The following DPH1 variants were observed in gnomAD, a reference collection of about 807,000 sequenced individuals.
DPH1 encodes the protein diphthamide biosynthesis 1, also known as 2-(3-amino-3-carboxypropyl)histidine synthase subunit 1.
A neutral mutation model predicts 55.3 loss-of-function variants in DPH1; 59 were observed. The ratio of observed to expected loss-of-function variants is 1.07; its 90% CI spans 0.87 to 1.33. DPH1 has a LOEUF of 1.33. Ranked by LOEUF, DPH1 falls within the 40% of genes most tolerant of loss-of-function variation. The probability of loss-of-function intolerance (pLI) is 0.00; values close to 1 mark genes in which losing one functional copy is unlikely to be tolerated. For synonymous variants in DPH1, 238 were observed against 235.5 expected (o/e 1.01, Z -0.10); for missense variants, 628 against 584.8 (o/e 1.07, Z -0.76).
chr17:2,041,295 T>C, intron 10 of DPH1, 114 bp downstream of exon 10: 1 of 1,471,708 alleles, frequency 6.8e-7, no homozygotes, highest in Non-Finnish European at 9.3e-7. Flanking sequence ...TTCCGGAGTC[T>C]GTCTCGATTT....
intron 3 of DPH1, among the ~76,000 whole-genome samples, chr17:2,035,543 C>A (rs1468208378): frequency 6.8e-6 from 1 of 146,340 alleles, no homozygotes. Context: ...GGGGTCCCGG[C>A]AAGAGGGAGG....
chr17:2,036,470 G>A lies in DPH1; in HGVS notation c.401-59G>A. 6.3e-7 allele frequency: 1 copy of A among 1,597,128 alleles called. No individual in the cohort carries two copies. The highest frequency in any genetic ancestry group is 8.6e-7 in the Non-Finnish European group (1 of 1,169,266). Reference sequence around the variant, plus strand: ...CTGGCTGCTCAGAGACCTGAGCCTGGCCGGGCCCTCTGCTGCTCCTGCCTT... The same window carrying A: ...CTGGCTGCTCAGAGACCTGAGCCTGACCGGGCCCTCTGCTGCTCCTGCCTT... On this transcript the variant is annotated intron_variant, in intron 4 of 12. Coordinates refer to ENST00000263083, the MANE Select transcript of DPH1 (RefSeq NM_001383.6). The surrounding 1 kb of genome is among the most constrained non-coding windows in gnomAD (Gnocchi z 4.8).
chr17:2,042,980 G>A lies in DPH1; in HGVS notation c.*394G>A, dbSNP rs374371278. 10 of 1,614,002 alleles carry A rather than the reference G, an allele frequency of 6.2e-6. No homozygotes were observed. Among genetic ancestry groups the A allele is most frequent in the African/African-American group, 1.3e-5 (1 of 74,936 alleles). On this transcript the variant is annotated 3_prime_UTR_variant, in exon 13 of 13. Transcript: ENST00000263083. The stretch of plus-strand genomic sequence containing the variant: ...GACAAAGTCATCCCCTCTCAGGAGA[G>A]TGTGCAACTGGCCAGCCAATTTCCC...
At chr17:2,040,759 C>T in intron 9 of DPH1, 154 bp downstream of exon 9, 1 of 815,054 alleles carries the variant, frequency 1.2e-6, no homozygotes, top group Non-Finnish European at 1.9e-6. Context: ...CTGGGTCATA[C>T]CTGCTTTGGG....
chr17:2,040,273 C>G lies in DPH1; in HGVS notation c.805C>G (p.Gln269Glu), dbSNP rs781049218. Residue 269 changes from glutamine to glutamate, a missense_variant, in exon 8 of 13, where the codon CAG becomes GAG. Transcript: ENST00000263083. ...SREHYDHQRM[Q>E]AARQEAIATA... ...AGAACACTATGACCACCAGCGCATG[C>G]AGGCTGCTCGCCAAGAAGCCATAGC... is the stretch of plus-strand genomic sequence containing the variant. The G allele has an allele frequency of 6.2e-7, 1 of 1,614,080 alleles. No homozygotes were observed. The highest frequency in any genetic ancestry group is 1.1e-5 in the South Asian group (1 of 91,086).
At chr17:2,039,985 C>T (rs2067488526) in intron 7 of DPH1, among the ~76,000 whole-genome samples, 162 bp downstream of exon 7, 1 of 152,248 alleles carries the variant, frequency 6.6e-6, no homozygotes, top group African/African-American at 2.4e-5. Flanking sequence ...CCCAGGGCTG[C>T]TGTTGCCTAC....
At chr17:2,031,594 C>G (rs1597273233) in intron 1 of DPH1, among the ~76,000 whole-genome samples, 2 of 146,472 alleles carry the variant, frequency 1.4e-5, no homozygotes, top group African/African-American at 5.0e-5. Context: ...AAAAATTAGC[C>G]CTGCGTCTTG....
In DPH1 at chr17:2,039,735, C is replaced by A. The variant is rs1027091464; in HGVS notation, c.681-20C>A. The A allele has an allele frequency of 6.2e-7, 1 of 1,614,108 alleles. No homozygotes were observed. Among genetic ancestry groups the A allele is most frequent in the Admixed American group, 1.7e-5 (1 of 60,032 alleles). ...TTCTGCTGCCCTAAACCACACTTAG[C>A]CTCCTTTCCACCCCTGCAGGTATCT... On this transcript the variant is annotated intron_variant, in intron 6 of 12. Coordinates refer to ENST00000263083, the MANE Select transcript of DPH1 (RefSeq NM_001383.6).
chr17:2,043,748 G>C lies in DPH1; in HGVS notation c.*1162G>C, dbSNP rs1255874497. 1 of 152,486 alleles carries C rather than the reference G, an allele frequency of 6.6e-6. No individual in the cohort carries two copies. The highest frequency in any genetic ancestry group is 1.5e-5 in the Non-Finnish European group (1 of 68,308). 9.4% of individuals were successfully genotyped at this position (152,486 alleles called of 1,614,324 possible). The stretch of plus-strand genomic sequence containing the variant: ...TCCAGATCACTGAGAGTTGTGTGCT[G>C]GTCTTCTCTCAAACCCTGGATGTGT... On this transcript the variant is annotated 3_prime_UTR_variant, in exon 13 of 13. Coordinates refer to ENST00000263083, the MANE Select transcript of DPH1 (RefSeq NM_001383.6).
chr17:2,041,151 C>G lies in DPH1; in HGVS notation c.1056C>G (p.Ala352=). 2 of 1,605,934 alleles carry G rather than the reference C, an allele frequency of 1.2e-6. No homozygotes were observed. Among genetic ancestry groups the G allele is most frequent in the Non-Finnish European group, 1.7e-6 (2 of 1,176,412 alleles). The part of the protein sequence containing the change: ...CPRLSIDWGT[A]FPKPLLTPYE... The stretch of plus-strand genomic sequence containing the variant: ...GTCTCTCCATTGACTGGGGCACAGC[C>G]TTCCCCAAGCCGCTGCTGACACCCT... Residue 352 remains alanine, a synonymous_variant, in exon 10 of 13, where the codon GCC becomes GCG. Coordinates refer to ENST00000263083, the MANE Select transcript of DPH1 (RefSeq NM_001383.6).
In DPH1 at chr17:2,043,295, G is replaced by A; in HGVS notation, c.*709G>A. The A allele has an allele frequency of 1.5e-6, 1 of 659,856 alleles. No homozygotes were observed. Among genetic ancestry groups the A allele is most frequent in the Non-Finnish European group, 2.5e-6 (1 of 402,502 alleles). The allele number at this position is 659,856 out of a possible 1,614,324, so 40.9% of individuals were successfully genotyped here. A position where few individuals can be genotyped will look rare whatever the true frequency, so the allele number is the denominator to read the frequency against. ...GTACTGAAGAAAAGGGGAGCACAAGGCCTTAATGGACATTGACTTGTGAAA... is the reference window on the plus strand; with the variant it reads ...GTACTGAAGAAAAGGGGAGCACAAGACCTTAATGGACATTGACTTGTGAAA... On this transcript the variant is annotated 3_prime_UTR_variant, in exon 13 of 13. Coordinates refer to ENST00000263083, the MANE Select transcript of DPH1 (RefSeq NM_001383.6).
At position 2,037,019 on chromosome 17, in the gene DPH1, G is replaced by T. The variant is rs975318338; in HGVS notation, c.680+63G>T. ...ATGCGTGTACCCTGGGAGGGAGCCT[G>T]AGGTTCATCATCCAGGAAAGAAACC... On this transcript the variant is annotated intron_variant, in intron 6 of 12. Transcript: ENST00000263083. 4.2e-5 allele frequency: 65 copies of T among 1,556,162 alleles called. 1 individual carries two copies. The South Asian group carries it at 7.5e-4, about 18-fold the overall frequency.
intron 3 of DPH1, chr17:2,035,028 A>G (rs1245635000): frequency 6.6e-6 from 1 of 151,566 alleles, no homozygotes; most frequent in Non-Finnish European, 1.5e-5. Context: ...GAGGTGAATA[A>G]TCTGCTTCTG....
In DPH1 at chr17:2,036,060, C is replaced by A; in HGVS notation, c.369C>A (p.Asp123Glu). ...TCACAGCGAGGGCCCTGGGAGCTGA[C>A]TTCTTGGTGCACTACGGCCACAGTT... Reference protein sequence around the residue: ...DDFTARALGADFLVHYGHSCL... With the variant: ...DDFTARALGAEFLVHYGHSCL... The change falls in exon 4 of 13, where the codon GAC (aspartate) becomes GAA (glutamate). Residue 123 changes from aspartate (D) to glutamate (E), a missense_variant. Transcript: ENST00000263083. The surrounding 1 kb of genome is among the most constrained non-coding windows in gnomAD (Gnocchi z 4.8). The A allele has an allele frequency of 6.2e-7, 1 of 1,613,994 alleles. No homozygotes were observed. The highest frequency in any genetic ancestry group is 8.5e-7 in the Non-Finnish European group (1 of 1,179,926).
Position 2,036,889 on chromosome 17 carries a change from C to T in DPH1, c.613C>T (p.Pro205Ser). ...EYRVSVPQCKPLSPGEILGCT... is the reference protein window; with the variant it reads ...EYRVSVPQCKSLSPGEILGCT... Reference sequence around the variant, plus strand: ...TCGTGTGAGTGTCCCACAGTGCAAGCCCCTGTCCCCTGGAGAGATCCTGGG... The same window carrying T: ...TCGTGTGAGTGTCCCACAGTGCAAGTCCCTGTCCCCTGGAGAGATCCTGGG... Residue 205 changes from proline (P) to serine (S), a missense_variant, in exon 6 of 13, where the codon CCC becomes TCC. Transcript: ENST00000263083. This position sits in a 1 kb window ranked among gnomAD's most constrained non-coding sequence, Gnocchi z 4.8. 1 of 1,613,844 alleles carries T rather than the reference C, an allele frequency of 6.2e-7. No individual in the cohort carries two copies. Among genetic ancestry groups the T allele is most frequent in the Non-Finnish European group, 8.5e-7 (1 of 1,179,982 alleles).
Position 2,033,768 on chromosome 17 carries a change from T to G in DPH1, c.215-11T>G, listed in dbSNP as rs2067364157. On this transcript the variant is annotated splice_polypyrimidine_tract_variant and intron_variant, in intron 2 of 12. Coordinates refer to ENST00000263083, the MANE Select transcript of DPH1 (RefSeq NM_001383.6). ...AGCCCTCCACCTCTCATGTCTCTGC[T>G]CGTCTTGCAGTGGCCTTGCAAATGC... The G allele has an allele frequency of 6.2e-7, 1 of 1,614,056 alleles. No individual in the cohort carries two copies. The highest frequency in any genetic ancestry group is 1.7e-5 in the Admixed American group (1 of 60,006).
chr17:2,033,965 T>C, intron 3 of DPH1, 123 bp downstream of exon 3: 1 of 1,094,936 alleles, frequency 9.1e-7, no homozygotes, highest in Non-Finnish European at 1.3e-6. Context: ...ACCTTCCCCC[T>C]TTCCCTCCCA....
chr17:2,031,556 ACT>A (rs1485634037), intron 1 of DPH1, among the ~76,000 whole-genome samples: 1 of 95,530 alleles, frequency 1.0e-5, no homozygotes, highest in Non-Finnish European at 1.9e-5. Context: ...ACAGAGTGAG[ACT>A]CTGTCTCAAA....
intron 2 of DPH1, 46 bp from the exon 3 acceptor site, chr17:2,033,733 G>A: frequency 1.2e-6 from 2 of 1,614,086 alleles, no homozygotes; most frequent in African/African-American, 2.7e-5. Flanking sequence ...CCCCCTTGCA[G>A]CCCCTTCCTA....
Sources: allele counts gnomAD v4.1 joint callset (sites outside exome capture counted in the v4.1 genomes callset), GRCh38; gene constraint gnomAD v4.1.1; non-coding constraint Gnocchi (gnomAD v3.1); transcripts MANE v1.5; gene names NCBI Gene and HGNC (gene_info 2026-07-23, HGNC 2026-07-21).